KCNT1: variants seen among roughly 807,000 people sequenced by gnomAD.
The protein encoded by KCNT1 is potassium channel subfamily T member 1.
Under a neutral mutation model 147.8 loss-of-function variants are expected in KCNT1, and 78 were observed. That is an observed-to-expected ratio of 0.53 (90% CI 0.44 to 0.64). The LOEUF (loss-of-function observed/expected upper bound fraction) is 0.64. Ranked by LOEUF, KCNT1 falls within the 30% of genes least tolerant of loss-of-function variation. The pLI, the probability that KCNT1 is intolerant of heterozygous loss-of-function variation, is 0.00. For synonymous variants in KCNT1, 867 were observed against 748.8 expected (o/e 1.16, Z -2.58); for missense variants, 1,419 against 1,750.3 (o/e 0.81, Z 3.38).
chr9:135,788,046 T>C, intron 29 of KCNT1: 1 of 1,413,174 alleles, frequency 7.1e-7, no homozygotes, highest in Admixed American at 1.7e-5. Flanking sequence ...CCTCGCTTGC[T>C]GATATTCTCT....
At chr9:135,774,122 GTGTGTGT>G (rs542226507) in intron 19 of KCNT1, among the ~76,000 whole-genome samples, 5 of 151,576 alleles carry the variant, frequency 3.3e-5, no homozygotes, top group Admixed American at 2.0e-4. Context: ...GTCACGTGTG[GTGTGTGT>G]TGTGTGATAT....
chr9:135,745,896 T>C (rs1830808946), intron 2 of KCNT1, among the ~76,000 whole-genome samples: 1 of 152,182 alleles, frequency 6.6e-6, no homozygotes, highest in African/African-American at 2.4e-5. Flanking sequence ...CCAGTGTCCA[T>C]GAACCTCTGC....
At chr9:135,768,016 C>G (rs1052454043) in intron 13 of KCNT1, among the ~76,000 whole-genome samples, 17 of 150,698 alleles carry the variant, frequency 1.1e-4, no homozygotes, top group African/African-American at 3.6e-4. Context: ...GCTCCTGACC[C>G]CTGCCCCCAC....
intron 2 of KCNT1, among the ~76,000 whole-genome samples, chr9:135,746,870 T>A (rs971849266): frequency 6.6e-6 from 1 of 151,960 alleles, no homozygotes; most frequent in African/African-American, 2.4e-5. Flanking sequence ...AGAAACATCC[T>A]GAGGGCAGAG....
chr9:135,778,033 T>TC (rs1472580151), intron 21 of KCNT1, among the ~76,000 whole-genome samples: 1 of 150,166 alleles, frequency 6.7e-6, no homozygotes, highest in Non-Finnish European at 1.5e-5. Flanking sequence ...TGGTCCTCTC[T>TC]CCCCCTTTCC....
chr9:135,722,913 A>G (rs1159964437), intron 2 of KCNT1, among the ~76,000 whole-genome samples: 1 of 152,212 alleles, frequency 6.6e-6, no homozygotes, highest in Non-Finnish European at 1.5e-5. Flanking sequence ...AGCCTGGAGC[A>G]GGCTTGGAGG....
chr9:135,773,193 AC>A (rs1361454777), intron 19 of KCNT1, among the ~76,000 whole-genome samples: 1 of 152,074 alleles, frequency 6.6e-6, no homozygotes, highest in Non-Finnish European at 1.5e-5. Context: ...GCTGGGCTAC[AC>A]CCTTTCCAGT....
chr9:135,758,327 C>A, intron 9 of KCNT1, 87 bp from the exon 10 acceptor site: 1 of 1,011,498 alleles, frequency 9.9e-7, no homozygotes, highest in Non-Finnish European at 1.5e-6. Context: ...GGGCCGTCTG[C>A]TTTCCACTGT....
intron 2 of KCNT1, among the ~76,000 whole-genome samples, chr9:135,720,029 G>A (rs1835863117): frequency 1.3e-5 from 2 of 152,168 alleles, no homozygotes; most frequent in African/African-American, 4.8e-5. Flanking sequence ...CGGCATTGCT[G>A]GGAACACGGG....
rs1277468032 is a variant in KCNT1 at position 135,774,482 on chromosome 9, TTG to T, written c.2244-824_2244-823del. ...GTTGTGTGTCCGTGTGTGGTACGTGTTGTGTCTGTGTGGTGTGTGTTGCATAT... is the reference window on the plus strand; with the variant it reads ...GTTGTGTGTCCGTGTGTGGTACGTGTTGTCTGTGTGGTGTGTGTTGCATAT... On this transcript the variant is annotated intron_variant, in intron 19 of 30. Coordinates refer to ENST00000371757, the MANE Select transcript of KCNT1 (RefSeq NM_020822.3). Among the ~76,000 whole-genome samples the T allele has an allele frequency of 2.7e-5, 4 of 150,402 alleles. No individual in the cohort carries two copies. The East Asian group carries it at 5.9e-4, about 22-fold the overall frequency.
chr9:135,786,172 C>A, intron 28 of KCNT1, 25 bp from the exon 29 acceptor site: 1 of 1,093,760 alleles, frequency 9.1e-7, no homozygotes, highest in Non-Finnish European at 1.2e-6. Context: ...CCCCTCCCCG[C>A]CCTGCCCTGC....
chr9:135,707,826 AGTCT>A (rs1332495507), intron 1 of KCNT1, among the ~76,000 whole-genome samples: 1 of 152,160 alleles, frequency 6.6e-6, no homozygotes, highest in East Asian at 1.9e-4. Flanking sequence ...GCTGCTCTGA[AGTCT>A]GTCTGGATAA....
At chr9:135,758,543 C>T (rs376696003) in intron 10 of KCNT1, 35 bp downstream of exon 10, 53 of 1,560,358 alleles carry the variant, frequency 3.4e-5, no homozygotes, top group Admixed American at 1.2e-4. Context: ...CACCCCAGGA[C>T]GTTGGGAGGG....
intron 11 of KCNT1, among the ~76,000 whole-genome samples, chr9:135,760,990 C>T (rs1831877969): frequency 6.6e-6 from 1 of 152,042 alleles, no homozygotes; most frequent in African/African-American, 2.4e-5. Flanking sequence ...GCCCCTCTCA[C>T]TTTGCTTACA....
intron 2 of KCNT1, among the ~76,000 whole-genome samples, chr9:135,723,457 A>AGGCAGGGAGGAGAGGCTGCTGCTCCCT (rs1330943253): frequency 1.3e-5 from 2 of 152,254 alleles, no homozygotes; most frequent in East Asian, 3.8e-4. Flanking sequence ...ACAGGGTGGC[A>AGGCAGGGAGGAGAGGCTGCTGCTCCCT]GGCAGGGAGG....
intron 11 of KCNT1, among the ~76,000 whole-genome samples, chr9:135,763,406 C>T (rs1042866849): frequency 3.9e-5 from 6 of 152,252 alleles, no homozygotes; most frequent in Admixed American, 6.5e-5. Context: ...ACAGCAGCGC[C>T]GGCTGGGTCT....
intron 2 of KCNT1, among the ~76,000 whole-genome samples, chr9:135,747,746 A>G (rs2131400706): frequency 6.6e-6 from 1 of 152,146 alleles, no homozygotes; most frequent in East Asian, 1.9e-4. Flanking sequence ...CTGACCCCCC[A>G]TTAGCACTGG....
Position 135,791,794 on chromosome 9 carries a change from C to T in KCNT1, c.3503-3C>T. On this transcript the variant is annotated splice_region_variant and splice_polypyrimidine_tract_variant and intron_variant, in intron 29 of 30. Coordinates refer to ENST00000371757, the MANE Select transcript of KCNT1 (RefSeq NM_020822.3). ...GACGTCTGCCCGGCTGTGTCCTTTG[C>T]AGACGAGATGAACGACCACCAGAAC... The T allele has an allele frequency of 5.6e-6, 9 of 1,613,646 alleles. No individual in the cohort carries two copies. Among genetic ancestry groups the T allele is most frequent in the Non-Finnish European group, 7.6e-6 (9 of 1,179,764 alleles).
chr9:135,725,090 A>G (rs1836080473), intron 2 of KCNT1, among the ~76,000 whole-genome samples: 1 of 152,226 alleles, frequency 6.6e-6, no homozygotes, highest in Non-Finnish European at 1.5e-5. Flanking sequence ...AACCCAGCCC[A>G]GGATCCCTTG....
Sources: gnomAD v4.1 joint callset for allele counts (sites outside exome capture counted in the v4.1 genomes callset) on GRCh38, gnomAD v4.1.1 for gene constraint, MANE v1.5 for transcripts, NCBI Gene and HGNC (gene_info 2026-07-23, HGNC 2026-07-21) for gene names.